Variants in RNF34 observed in about 807,000 individuals in gnomAD.
RNF34 encodes the protein E3 ubiquitin-protein ligase RNF34.
A neutral mutation model predicts 37.9 loss-of-function variants in RNF34; 12 were observed. The ratio of observed to expected loss-of-function variants is 0.32; its 90% CI spans 0.20 to 0.51. The LOEUF (loss-of-function observed/expected upper bound fraction) is 0.51. Among genes scored for constraint, RNF34 ranks in the 20% least tolerant of loss-of-function variants. The pLI is 0.97. For missense variants in RNF34, 362 were observed against 472.7 expected (o/e 0.77, Z 2.17); for synonymous variants, 155 against 177.2 (o/e 0.87, Z 1.00).
At chr12:121,419,129 T>C (rs1231113798) in intron 3 of RNF34, among the ~76,000 whole-genome samples, 1 of 152,244 alleles carries the variant, frequency 6.6e-6, no homozygotes, top group Non-Finnish European at 1.5e-5. Context: ...ACGGCAGTGG[T>C]TCTGTAAGAT....
At chr12:121,410,014 G>T (rs1870896302) in intron 1 of RNF34, among the ~76,000 whole-genome samples, 1 of 152,044 alleles carries the variant, frequency 6.6e-6, no homozygotes, top group Non-Finnish European at 1.5e-5. Context: ...AATTAGCCGG[G>T]CATGGTGGCA....
chr12:121,423,631 A>G lies in RNF34; in HGVS notation c.*55A>G, dbSNP rs372267828. 2.1e-4 allele frequency: 309 copies of G among 1,471,454 alleles called. 4 individuals are homozygous for G. In the South Asian group the frequency reaches 2.6e-3, roughly 13 times the overall value. The allele number at this position is 1,471,454 out of a possible 1,614,324, so 91.1% of individuals were successfully genotyped here. On this transcript the variant is annotated 3_prime_UTR_variant, in exon 6 of 6. Coordinates refer to ENST00000361234, the MANE Select transcript of RNF34 (RefSeq NM_025126.4). This position sits in a 1 kb window ranked among gnomAD's most constrained non-coding sequence, Gnocchi z 4.3. The stretch of plus-strand genomic sequence containing the variant: ...CCCAAACTTGACCCCCAACATTTCA[A>G]TGCACAGAAGGGACTGGAAAGTTAT...
chr12:121,418,096 G>C, intron 3 of RNF34, 185 bp downstream of exon 3: 3 of 651,274 alleles, frequency 4.6e-6, no homozygotes, highest in Non-Finnish European at 7.7e-6. Flanking sequence ...TGAGGTGCTA[G>C]GTGGCTCCAA....
chr12:121,413,890 A>T (rs1871332022), intron 1 of RNF34, among the ~76,000 whole-genome samples: 1 of 152,136 alleles, frequency 6.6e-6, no homozygotes, highest in African/African-American at 2.4e-5. Context: ...TGACTTTTAA[A>T]GGCATCACTA....
chr12:121,401,755 C>T (rs1870017279), intron 1 of RNF34, among the ~76,000 whole-genome samples: 1 of 152,146 alleles, frequency 6.6e-6, no homozygotes, highest in Non-Finnish European at 1.5e-5. Context: ...TCTTTGAAAA[C>T]AGACGTGTGT....
intron 2 of RNF34, chr12:121,416,749 A>AT (rs1313929576): frequency 5.1e-6 from 1 of 195,196 alleles, no homozygotes; most frequent in South Asian, 8.0e-5. Flanking sequence ...TAACTTTCAA[A>AT]TGAATAAATG....
intron 1 of RNF34, among the ~76,000 whole-genome samples, chr12:121,400,572 C>G (rs1268282764): frequency 6.6e-6 from 1 of 152,218 alleles, no homozygotes; most frequent in Non-Finnish European, 1.5e-5. Flanking sequence ...CCTTGGCGCG[C>G]GGCGTGCCCT....
chr12:121,417,915 C>T lies in RNF34; in HGVS notation c.633+4C>T, dbSNP rs1555282568. On this transcript the variant is annotated splice_donor_region_variant and intron_variant, in intron 3 of 5. Coordinates refer to ENST00000361234, the MANE Select transcript of RNF34 (RefSeq NM_025126.4). The surrounding 1 kb of genome is among the most constrained non-coding windows in gnomAD (Gnocchi z 5.0). The stretch of plus-strand genomic sequence containing the variant: ...CAGATCTGGAGTGCCGGCACAGGTA[C>T]GAGGGGGTAACTAATTACACCCAGG... 1.9e-6 allele frequency: 3 copies of T among 1,611,722 alleles called. No individual in the cohort carries two copies. The highest frequency in any genetic ancestry group is 1.3e-5 in the African/African-American group (1 of 74,762).
chr12:121,404,387 C>CTTTTTTTTTTT (rs782225104), intron 1 of RNF34, among the ~76,000 whole-genome samples: 8 of 65,848 alleles, frequency 1.2e-4, no homozygotes, highest in East Asian at 5.8e-4. Flanking sequence ...GTCATTTAAT[C>CTTTTTTTTTTT]TTTTTTTTTT....
At chr12:121,404,234 T>C (rs1566222957) in intron 1 of RNF34, among the ~76,000 whole-genome samples, 1 of 151,090 alleles carries the variant, frequency 6.6e-6, no homozygotes, top group Non-Finnish European at 1.5e-5. Flanking sequence ...CCCAAACTCC[T>C]GAGCTCAGGC....
chr12:121,402,114 C>T (rs1247896821), intron 1 of RNF34, among the ~76,000 whole-genome samples: 4 of 152,192 alleles, frequency 2.6e-5, no homozygotes, highest in Non-Finnish European at 4.4e-5. Context: ...ATACTTCTTT[C>T]TGTGGAATTA....
chr12:121,403,408 C>A (rs1357818025), intron 1 of RNF34, among the ~76,000 whole-genome samples: 44 of 139,862 alleles, frequency 3.1e-4, no homozygotes, highest in East Asian at 6.0e-4. Context: ...AAAAAAAAAA[C>A]CAAAACAAAA....
chr12:121,400,942 G>C (rs535639770), intron 1 of RNF34, among the ~76,000 whole-genome samples: 1 of 152,202 alleles, frequency 6.6e-6, no homozygotes, highest in Non-Finnish European at 1.5e-5. Context: ...CGATCACTGA[G>C]AGTTCTGAAG....
Position 121,423,338 on chromosome 12 carries a change from G to A in RNF34, c.929-48G>A, listed in dbSNP as rs1872326249. The stretch of plus-strand genomic sequence containing the variant: ...CTTCGGACTGGGAGGGTGGCTGGCT[G>A]ACTGGCCATGCCTGAAGCCGAGGCC... On this transcript the variant is annotated intron_variant, in intron 5 of 5. Coordinates refer to ENST00000361234, the MANE Select transcript of RNF34 (RefSeq NM_025126.4). The surrounding 1 kb of genome is among the most constrained non-coding windows in gnomAD (Gnocchi z 4.3). The A allele has an allele frequency of 4.7e-6, 7 of 1,480,780 alleles. No individual in the cohort carries two copies. The highest frequency in any genetic ancestry group is 6.4e-6 in the Non-Finnish European group (7 of 1,094,194). The allele number at this position is 1,480,780 out of a possible 1,614,324, so 91.7% of individuals were successfully genotyped here.
intron 5 of RNF34, among the ~76,000 whole-genome samples, chr12:121,421,381 A>AAC (rs1566236063): frequency 6.9e-6 from 1 of 144,628 alleles, no homozygotes; most frequent in East Asian, 2.0e-4. Flanking sequence ...TAAAAAAAAA[A>AAC]AAAAAAAAAA....
At position 121,417,611 on chromosome 12, in the gene RNF34, G is replaced by C. The variant is rs1555282388; in HGVS notation, c.333G>C (p.Gln111His). The C allele has an allele frequency of 1.2e-6, 2 of 1,614,174 alleles. No individual in the cohort carries two copies. Among genetic ancestry groups the C allele is most frequent in the Non-Finnish European group, 8.5e-7 (1 of 1,180,026 alleles). ...TCHLLQETAF[Q>H]RPQLMRLKVK... is the part of the protein sequence containing the mutation. ...ACTTATTACAAGAGACAGCATTTCA[G>C]CGCCCTCAGTTAATGCGACTGAAGG... Residue 111 changes from glutamine (Q) to histidine (H), a missense_variant, in exon 3 of 6, where the codon CAG becomes CAC. By Grantham distance (24) the Gln-to-His change is conservative. Coordinates refer to ENST00000361234, the MANE Select transcript of RNF34 (RefSeq NM_025126.4). This position sits in a 1 kb window ranked among gnomAD's most constrained non-coding sequence, Gnocchi z 5.0.
Position 121,415,961 on chromosome 12 carries a change from G to T in RNF34, c.7-198G>T, listed in dbSNP as rs547399001. On this transcript the variant is annotated intron_variant, in intron 1 of 5. Coordinates refer to ENST00000361234, the MANE Select transcript of RNF34 (RefSeq NM_025126.4). ...CTTTTTGTTAAACAAGAGATCATGG[G>T]TATTGGCAATGCCAGATATTCTTTG... Among the ~76,000 whole-genome samples, 43 of 151,414 alleles carry T rather than the reference G, an allele frequency of 2.8e-4. No individual in the cohort carries two copies. In the Middle Eastern group the frequency reaches 0.017, roughly 60 times the overall value.
intron 1 of RNF34, among the ~76,000 whole-genome samples, chr12:121,401,810 G>T (rs1870022757): frequency 6.6e-6 from 1 of 152,158 alleles, no homozygotes; most frequent in South Asian, 2.1e-4. Context: ...TGAAATTTTA[G>T]AAACAAAGTT....
In RNF34 at chr12:121,423,655, A is replaced by G; in HGVS notation, c.*79A>G. On this transcript the variant is annotated 3_prime_UTR_variant, in exon 6 of 6. Transcript: ENST00000361234. This position sits in a 1 kb window ranked among gnomAD's most constrained non-coding sequence, Gnocchi z 4.3. Reference sequence around the variant, plus strand: ...AATGCACAGAAGGGACTGGAAAGTTATGTTCAAAGGCTGAAGCTATTTTAA... The same window carrying G: ...AATGCACAGAAGGGACTGGAAAGTTGTGTTCAAAGGCTGAAGCTATTTTAA... The G allele has an allele frequency of 8.2e-7, 1 of 1,215,712 alleles. No homozygotes were observed. The allele number at this position is 1,215,712 out of a possible 1,614,324, so 75.3% of individuals were successfully genotyped here.
Sources: allele counts gnomAD v4.1 joint callset (sites outside exome capture counted in the v4.1 genomes callset), GRCh38; gene constraint gnomAD v4.1.1; non-coding constraint Gnocchi (gnomAD v3.1); transcripts MANE v1.5; gene names NCBI Gene and HGNC (gene_info 2026-07-23, HGNC 2026-07-21).